PRKAB1: variants seen among roughly 807,000 people sequenced by gnomAD.
PRKAB1 encodes protein kinase AMP-activated non-catalytic subunit beta 1, also known as 5'-AMP-activated protein kinase subunit beta-1.
Under a neutral mutation model 32.0 loss-of-function variants are expected in PRKAB1, and 18 were observed. That is an observed-to-expected ratio of 0.56 (90% confidence interval 0.39 to 0.83). PRKAB1 has a LOEUF of 0.83. PRKAB1 is among the 40% of genes least tolerant of loss of function. PRKAB1 has a pLI of 0.00. For missense variants in PRKAB1, 263 were observed against 352.6 expected (o/e 0.75, Z 2.03); for synonymous variants, 141 against 141.4 (o/e 1.00, Z 0.02).
At chr12:119,675,868 AC>A (rs1955420633) in intron 4 of PRKAB1, among the ~76,000 whole-genome samples, 3 of 152,172 alleles carry the variant, frequency 2.0e-5, no homozygotes, top group African/African-American at 7.2e-5. Flanking sequence ...ATGGCTTGGT[AC>A]CTTCTGGCTG....
chr12:119,672,486 A>C (rs367725207), intron 2 of PRKAB1, 22 bp downstream of exon 2: 1 of 1,502,400 alleles, frequency 6.7e-7, no homozygotes, highest in African/African-American at 1.4e-5. Flanking sequence ...GGGAGTGTTC[A>C]CATATTTGTC....
chr12:119,675,988 TGAGTGTAATG>T (rs1238301006), intron 4 of PRKAB1, among the ~76,000 whole-genome samples: 16 of 152,344 alleles, frequency 1.1e-4, no homozygotes, highest in Non-Finnish European at 7.3e-5. Flanking sequence ...GGAAGGAACT[TGAGTGTAATG>T]GAGTTAAAGA....
At chr12:119,678,483 T>C (rs893540422) in intron 5 of PRKAB1, 1 of 152,216 alleles carries the variant, frequency 6.6e-6, no homozygotes, top group African/African-American at 2.4e-5. Flanking sequence ...GTATTCCTCC[T>C]GTCTAACTGA....
intron 1 of PRKAB1, 59 bp from the exon 2 acceptor site, chr12:119,672,242 A>G (rs917561988): frequency 2.5e-5 from 35 of 1,423,562 alleles, no homozygotes; most frequent in Non-Finnish European, 3.0e-5. Context: ...TGAATTGTCA[A>G]TATTGTCTGT....
intron 5 of PRKAB1, chr12:119,677,228 A>G (rs1196091298): frequency 6.6e-6 from 1 of 152,300 alleles, no homozygotes; most frequent in Non-Finnish European, 1.5e-5. Context: ...GATGCATGGC[A>G]CAGCCGTAAT....
intron 5 of PRKAB1, among the ~76,000 whole-genome samples, 173 bp downstream of exon 5, chr12:119,676,843 G>A: frequency 6.6e-6 from 1 of 152,222 alleles, no homozygotes; most frequent in Admixed American, 6.5e-5. Flanking sequence ...GAGGTTCCCA[G>A]TGTGGACACC....
chr12:119,676,707 G>C, intron 5 of PRKAB1, 37 bp downstream of exon 5: 1 of 1,605,364 alleles, frequency 6.2e-7, no homozygotes, highest in Non-Finnish European at 8.5e-7. Context: ...CATCCGCCGT[G>C]GGTCATGTTC....
In PRKAB1 at chr12:119,675,023, G is replaced by T. The variant is rs141201992; in HGVS notation, c.532+569G>T. Among the ~76,000 whole-genome samples, 459 of 152,350 alleles carry T rather than the reference G, an allele frequency of 3.0e-3. 23 individuals carry two copies. The East Asian group carries it at 0.078, about 26-fold the overall frequency. On this transcript the variant is annotated intron_variant, in intron 4 of 6. Transcript: ENST00000229328. ...AGACCCAGTAAAACTTCTCCATCTTGTAAGAGCCTTTCAGGCATCGAGGTT... is the reference window on the plus strand; with the variant it reads ...AGACCCAGTAAAACTTCTCCATCTTTTAAGAGCCTTTCAGGCATCGAGGTT...
In PRKAB1 at chr12:119,668,236, A is replaced by C. The variant is rs772077116; in HGVS notation, c.-9A>C. ...GTCCGCCTTCCCTGTGTCCCCGCAG[A>C]CCCCCATCATGGGCAATACCAGCAG... On this transcript the variant is annotated 5_prime_UTR_variant, in exon 1 of 7. Transcript: ENST00000229328. 5.7e-6 allele frequency: 9 copies of C among 1,571,294 alleles called. 1 individual carries two copies. The East Asian group carries it at 2.1e-4, about 37-fold the overall frequency.
chr12:119,679,839 C>T lies in PRKAB1; in HGVS notation c.667-94C>T. On this transcript the variant is annotated intron_variant, in intron 5 of 6. Coordinates refer to ENST00000229328, the MANE Select transcript of PRKAB1 (RefSeq NM_006253.5). The surrounding 1 kb of genome is among the most constrained non-coding windows in gnomAD (Gnocchi z 4.1). The stretch of plus-strand genomic sequence containing the variant: ...GGAAGAGAGGTCGGCCTGAGCGCTG[C>T]CTCCTGTCCTTTGATATCTGGCACT... 7.3e-7 allele frequency: 1 copy of T among 1,363,350 alleles called. No individual in the cohort carries two copies. The highest frequency in any genetic ancestry group is 1.0e-6 in the Non-Finnish European group (1 of 953,136). 84.5% of individuals were successfully genotyped at this position (1,363,350 alleles called of 1,614,324 possible).
At chr12:119,673,813 C>T (rs1490735219) in intron 2 of PRKAB1, 151 bp from the exon 3 acceptor site, 1 of 596,504 alleles carries the variant, frequency 1.7e-6, no homozygotes, top group Non-Finnish European at 2.9e-6. Flanking sequence ...GGTCATTATG[C>T]TGAATTGTCT....
At position 119,674,006 on chromosome 12, in the gene PRKAB1, G is replaced by T; in HGVS notation, c.366G>T (p.Glu122Asp). 1 of 1,613,998 alleles carries T rather than the reference G, an allele frequency of 6.2e-7. No individual in the cohort carries two copies. Among genetic ancestry groups the T allele is most frequent in the South Asian group, 1.1e-5 (1 of 91,064 alleles). ...CCATCCTGGATCTGCCGGAAGGAGA[G>T]CATCAGTACAAGTTCTTTGTGGATG... ...FVAILDLPEG[E>D]HQYKFFVDGQ... Residue 122 changes from glutamate to aspartate, a missense_variant, in exon 3 of 7, where the codon GAG (glutamate) becomes GAT (aspartate). Coordinates refer to ENST00000229328, the MANE Select transcript of PRKAB1 (RefSeq NM_006253.5). The surrounding 1 kb of genome is among the most constrained non-coding windows in gnomAD (Gnocchi z 4.3).
intron 6 of PRKAB1, 29 bp from the exon 7 acceptor site, chr12:119,680,219 C>T: frequency 6.2e-7 from 1 of 1,605,806 alleles, no homozygotes; most frequent in Non-Finnish European, 8.5e-7. Flanking sequence ...CTTAGTCCAG[C>T]CTTTGATCAT....
At chr12:119,670,304 A>C (rs1241253592) in intron 1 of PRKAB1, among the ~76,000 whole-genome samples, 2 of 152,198 alleles carry the variant, frequency 1.3e-5, no homozygotes, top group African/African-American at 4.8e-5. Context: ...GTTAATCATC[A>C]TCCATTTAAT....
rs151213322 is a variant in PRKAB1 at position 119,679,852 on chromosome 12, G to C, written c.667-81G>C. 1.3e-3 allele frequency: 1,872 copies of C among 1,459,998 alleles called. 11 individuals are homozygous for C. The African/African-American group carries it at 0.022, about 17-fold the overall frequency. The allele number at this position is 1,459,998 out of a possible 1,614,324, so 90.4% of individuals were successfully genotyped here. ...GCCTGAGCGCTGCCTCCTGTCCTTT[G>C]ATATCTGGCACTGGGAAGTAAAGGG... On this transcript the variant is annotated intron_variant, in intron 5 of 6. Transcript: ENST00000229328. This position sits in a 1 kb window ranked among gnomAD's most constrained non-coding sequence, Gnocchi z 4.1.
chr12:119,668,601 G>T (rs954180105), intron 1 of PRKAB1, among the ~76,000 whole-genome samples, 198 bp downstream of exon 1: 1 of 152,240 alleles, frequency 6.6e-6, no homozygotes, highest in African/African-American at 2.4e-5. Context: ...TTACCAATAT[G>T]AGAAAGTCAC....
At chr12:119,673,616 G>A (rs1212274177) in intron 2 of PRKAB1, among the ~76,000 whole-genome samples, 3 of 152,218 alleles carry the variant, frequency 2.0e-5, no homozygotes, top group Admixed American at 2.0e-4. Context: ...AGGGTAAAAC[G>A]AGGCAGCTTC....
At chr12:119,678,194 A>G (rs1021103027) in intron 5 of PRKAB1, 7 of 152,272 alleles carry the variant, frequency 4.6e-5, no homozygotes, top group African/African-American at 1.7e-4. Context: ...CCCTCTGTCC[A>G]AGGTAGCACT....
Position 119,668,402 on chromosome 12 carries a change from A to G in PRKAB1, c.158A>G (p.Lys53Arg). The change falls in exon 1 of 7, where the codon AAG (lysine) becomes AGG (arginine). Residue 53 changes from lysine to arginine, a missense_variant and splice_region_variant. Physicochemically the swap from Lys to Arg is conservative, Grantham distance 26. Coordinates refer to ENST00000229328, the MANE Select transcript of PRKAB1 (RefSeq NM_006253.5). ...DADLFHSEEIKAPEKEEFLAW... is the reference protein window; with the variant it reads ...DADLFHSEEIRAPEKEEFLAW... ...GACCTCTTCCACTCCGAGGAAATCA[A>G]GGTGCGAGCGGTGTGGAGGAACCCG... 1 of 1,612,482 alleles carries G rather than the reference A, an allele frequency of 6.2e-7. No homozygotes were observed. The highest frequency in any genetic ancestry group is 2.2e-5 in the East Asian group (1 of 44,768).
Sources: allele counts gnomAD v4.1 joint callset (sites outside exome capture counted in the v4.1 genomes callset), GRCh38; gene constraint gnomAD v4.1.1; non-coding constraint Gnocchi (gnomAD v3.1); transcripts MANE v1.5; gene names NCBI Gene and HGNC (gene_info 2026-07-23, HGNC 2026-07-21).